Variants in SLC35D4 observed in about 807,000 individuals in gnomAD.
The protein encoded by SLC35D4 is solute carrier family 35 member D4.
the SLC35D4 span, among the ~76,000 whole-genome samples, chr18:23,245,333 C>A: frequency 6.6e-6 from 1 of 152,060 alleles, no homozygotes; most frequent in African/African-American, 2.4e-5. Flanking sequence ...CATGGCGAAA[C>A]CCCATCTCTA....
chr18:23,297,416 G>A, the SLC35D4 span: 2 of 152,202 alleles, frequency 1.3e-5, no homozygotes. Context: ...TACTGTGGAT[G>A]CTGAGGCAGG....
At chr18:23,347,744 G>C in the SLC35D4 span, among the ~76,000 whole-genome samples, 1 of 152,064 alleles carries the variant, frequency 6.6e-6, no homozygotes, top group Admixed American at 6.5e-5. Context: ...TTATTTTCTT[G>C]GTCAGTCTAG....
chr18:23,348,691 C>T, the SLC35D4 span, among the ~76,000 whole-genome samples: 1 of 152,166 alleles, frequency 6.6e-6, no homozygotes, highest in Non-Finnish European at 1.5e-5. Flanking sequence ...TGTGGTTCTT[C>T]CATCCTTTTA....
At chr18:23,375,629 G>A in the SLC35D4 span, among the ~76,000 whole-genome samples, 1 of 152,182 alleles carries the variant, frequency 6.6e-6, no homozygotes, top group South Asian at 2.1e-4. Flanking sequence ...ATGCTAGGGT[G>A]CCTGGAATAA....
chr18:23,285,635 C>T, the SLC35D4 span, among the ~76,000 whole-genome samples: 5 of 152,124 alleles, frequency 3.3e-5, no homozygotes, highest in Non-Finnish European at 2.9e-5. Flanking sequence ...CGCCTGTCCC[C>T]TCAGTCCCAA....
the SLC35D4 span, among the ~76,000 whole-genome samples, chr18:23,249,358 G>A: frequency 1.8e-3 from 269 of 152,308 alleles, 1 homozygote; most frequent in African/African-American, 6.4e-3. Flanking sequence ...CCTCAGCCCC[G>A]GGGGTTTAGG....
the SLC35D4 span, among the ~76,000 whole-genome samples, chr18:23,280,215 C>T: frequency 2.6e-5 from 4 of 152,374 alleles, no homozygotes; most frequent in East Asian, 1.9e-4. Flanking sequence ...CGTGTGTGCG[C>T]GCAGCCGACT....
chr18:23,398,083 A>G, the SLC35D4 span, among the ~76,000 whole-genome samples: 27 of 152,302 alleles, frequency 1.8e-4, no homozygotes, highest in East Asian at 2.5e-3. Flanking sequence ...AACAAAAACA[A>G]AAAAACGAGA....
the SLC35D4 span, among the ~76,000 whole-genome samples, chr18:23,289,209 C>T: frequency 6.6e-6 from 1 of 152,214 alleles, no homozygotes; most frequent in Non-Finnish European, 1.5e-5. Flanking sequence ...CTGATATCTC[C>T]TGGTGCTATC....
At chr18:23,426,680 A>G in the SLC35D4 span, among the ~76,000 whole-genome samples, 6 of 152,228 alleles carry the variant, frequency 3.9e-5, no homozygotes, top group African/African-American at 1.2e-4. Flanking sequence ...TAAAGTTCAT[A>G]TGGAACCAAA....
At chr18:23,317,154 TAC>T in the SLC35D4 span, among the ~76,000 whole-genome samples, 1,634 of 149,806 alleles carry the variant, frequency 0.011, 25 homozygotes, top group African/African-American at 0.035. Context: ...TGGGAGAAGT[TAC>T]ACACACACAC....
At chr18:23,319,958 T>C in the SLC35D4 span, among the ~76,000 whole-genome samples, 1 of 152,222 alleles carries the variant, frequency 6.6e-6, no homozygotes, top group Non-Finnish European at 1.5e-5. Context: ...AATTTGATAG[T>C]TTGAGTAGGA....
chr18:23,413,071 G>A, the SLC35D4 span, among the ~76,000 whole-genome samples: 4 of 152,176 alleles, frequency 2.6e-5, no homozygotes, highest in African/African-American at 7.2e-5. Flanking sequence ...GTCTCACTAT[G>A]TTGCCCAGGT....
At chr18:23,271,242 C>T in the SLC35D4 span, among the ~76,000 whole-genome samples, 11 of 152,352 alleles carry the variant, frequency 7.2e-5, no homozygotes, top group African/African-American at 2.6e-4. Flanking sequence ...CCTCCTTTGC[C>T]TTCCACCATG....
chr18:23,424,106 T>C, the SLC35D4 span, among the ~76,000 whole-genome samples: 1 of 152,110 alleles, frequency 6.6e-6, no homozygotes, highest in African/African-American at 2.4e-5. Context: ...TTTATAGTAA[T>C]TGGAGAGATG....
the SLC35D4 span, among the ~76,000 whole-genome samples, chr18:23,255,706 T>C: frequency 1.3e-5 from 2 of 151,944 alleles, no homozygotes; most frequent in Non-Finnish European, 2.9e-5. Context: ...ACTACAGGCA[T>C]GTACCACTGC....
the SLC35D4 span, among the ~76,000 whole-genome samples, chr18:23,361,103 C>CA: frequency 0.11 from 9,912 of 93,672 alleles, 821 homozygotes; most frequent in African/African-American, 0.13. Flanking sequence ...GACTTTGTCT[C>CA]AAAAAAAAAA....
At chr18:23,384,011 G>GGGGC in the SLC35D4 span, among the ~76,000 whole-genome samples, 6 of 136,434 alleles carry the variant, frequency 4.4e-5, no homozygotes, top group African/African-American at 1.6e-4. Context: ...TGGGGGGGGG[G>GGGGC]GGTGTGATGT....
the SLC35D4 span, among the ~76,000 whole-genome samples, chr18:23,433,093 C>T: frequency 5.4e-5 from 8 of 147,844 alleles, no homozygotes; most frequent in Non-Finnish European, 1.2e-4. Context: ...TGGAGTCTTG[C>T]TCTGTCACCC....
Sources: gnomAD v4.1 joint callset for allele counts (sites outside exome capture counted in the v4.1 genomes callset) on GRCh38, gnomAD v4.1.1 for gene constraint, MANE v1.5 for transcripts, NCBI Gene and HGNC (gene_info 2026-07-23, HGNC 2026-07-21) for gene names.